The following PPP3R1 variants were observed in gnomAD, a reference collection of about 807,000 sequenced individuals.
The protein encoded by PPP3R1 is protein phosphatase 3 regulatory subunit B, alpha.
A neutral mutation model predicts 22.6 loss-of-function variants in PPP3R1; 5 were observed. The ratio of observed to expected loss-of-function variants is 0.22; its 90% CI spans 0.12 to 0.46. The LOEUF (loss-of-function observed/expected upper bound fraction) is 0.46, where lower values mean the gene tolerates loss of function less well. PPP3R1 is among the 20% of genes least tolerant of loss of function. PPP3R1 has a pLI of 0.99. For missense variants in PPP3R1, 61 were observed against 203.2 expected (o/e 0.30, Z 4.25); for synonymous variants, 56 against 65.2 (o/e 0.86, Z 0.68).
At chr2:68,202,413 T>C (rs1045096952) in intron 2 of PPP3R1, among the ~76,000 whole-genome samples, 4 of 135,216 alleles carry the variant, frequency 3.0e-5, no homozygotes, top group African/African-American at 6.2e-5. Flanking sequence ...TTTTTTGTTG[T>C]TGTTGTTGTT....
rs1013066030 is a variant in PPP3R1, at chr2:68,179,881, TTAGA to T, written c.*1078_*1081del. 14 of 152,194 alleles carry T rather than the reference TTAGA, an allele frequency of 9.2e-5. No individual in the cohort carries two copies. The highest frequency in any genetic ancestry group is 7.2e-4 in the Admixed American group (11 of 15,264). 9.4% of individuals were successfully genotyped at this position (152,194 alleles called of 1,614,324 possible). A position where few individuals can be genotyped will look rare whatever the true frequency, so the allele number is the denominator to read the frequency against. ...TTAAACCACAAATATATGTGGGTGTTTAGATACATACATGCATATTAAATATCAC... is the reference window on the plus strand; with the variant it reads ...TTAAACCACAAATATATGTGGGTGTTTACATACATGCATATTAAATATCAC... On this transcript the variant is annotated 3_prime_UTR_variant, in exon 6 of 6. Transcript: ENST00000234310.
At chr2:68,185,467 A>ATT (rs1189870135) in intron 5 of PPP3R1, among the ~76,000 whole-genome samples, 1 of 147,640 alleles carries the variant, frequency 6.8e-6, no homozygotes, top group Non-Finnish European at 1.5e-5. Flanking sequence ...TAATTTATAT[A>ATT]TTATATATAT....
intron 2 of PPP3R1, among the ~76,000 whole-genome samples, chr2:68,207,183 T>C (rs185553985): frequency 3.8e-4 from 56 of 148,678 alleles, no homozygotes; most frequent in Non-Finnish European, 5.8e-4. Flanking sequence ...GAGAAGGTCA[T>C]TTTTGGGAAA....
chr2:68,243,151 G>A (rs1670165252), intron 1 of PPP3R1, among the ~76,000 whole-genome samples: 1 of 152,124 alleles, frequency 6.6e-6, no homozygotes, highest in Admixed American at 6.5e-5. Flanking sequence ...AGGAAGAACA[G>A]TATAGGAATC....
At chr2:68,252,040 G>A in intron 1 of PPP3R1, 85 bp downstream of exon 1, 4 of 1,273,456 alleles carry the variant, frequency 3.1e-6, no homozygotes, top group Middle Eastern at 2.2e-4. Flanking sequence ...ACAGCCGACC[G>A]GGGGCGTCGG....
intron 2 of PPP3R1, among the ~76,000 whole-genome samples, chr2:68,198,356 T>C (rs199640986): frequency 7.6e-5 from 4 of 52,402 alleles, no homozygotes; most frequent in East Asian, 4.8e-4. Context: ...TATATGCATA[T>C]ATATGTACAT....
intron 2 of PPP3R1, among the ~76,000 whole-genome samples, chr2:68,206,686 G>C (rs530459843): frequency 1.3e-5 from 2 of 152,202 alleles, no homozygotes; most frequent in African/African-American, 2.4e-5. Context: ...TGGAACCTGT[G>C]TTTTTATTTC....
chr2:68,204,659 T>C (rs528676250), intron 2 of PPP3R1, among the ~76,000 whole-genome samples: 11 of 152,344 alleles, frequency 7.2e-5, no homozygotes, highest in Admixed American at 3.9e-4. Context: ...AATTAATGTA[T>C]GTAAAACGCT....
In PPP3R1 at chr2:68,223,605, C is replaced by G. The variant is rs140912111; in HGVS notation, c.4-6474G>C. The stretch of plus-strand genomic sequence containing the variant: ...AAAAAAAAGAAAAAAACCACATGGC[C>G]AACCAAACAGACGCAATAAAAGCAT... On this transcript the variant is annotated intron_variant, in intron 1 of 5. Transcript: ENST00000234310. 2.7e-3 allele frequency among the ~76,000 whole-genome samples: 412 copies of G among 151,988 alleles called. 2 individuals carry two copies. The highest frequency in any genetic ancestry group is 6.2e-3 in the African/African-American group (258 of 41,466).
At chr2:68,197,924 T>C (rs889147391) in intron 2 of PPP3R1, among the ~76,000 whole-genome samples, 4 of 151,682 alleles carry the variant, frequency 2.6e-5, no homozygotes, top group African/African-American at 4.8e-5. Flanking sequence ...AGATGTTCCA[T>C]TGTTTTATGT....
chr2:68,243,568 A>G (rs917324606), intron 1 of PPP3R1, among the ~76,000 whole-genome samples: 1 of 152,196 alleles, frequency 6.6e-6, no homozygotes, highest in Non-Finnish European at 1.5e-5. Context: ...TGTTATGTTT[A>G]ATAAGATATT....
chr2:68,212,741 GA>G (rs1669511772), intron 2 of PPP3R1, among the ~76,000 whole-genome samples: 2 of 149,374 alleles, frequency 1.3e-5, no homozygotes, highest in South Asian at 4.1e-4. Context: ...GAGAGCACAG[GA>G]GAGGAAATTT....
chr2:68,181,738 G>GA (rs1674407922), intron 5 of PPP3R1, among the ~76,000 whole-genome samples: 1 of 151,910 alleles, frequency 6.6e-6, no homozygotes, highest in South Asian at 2.1e-4. Flanking sequence ...ACGATAACCA[G>GA]ATATTATGAC....
At position 68,252,321 on chromosome 2, in the gene PPP3R1, G is replaced by A; in HGVS notation, c.-194C>T. ...GGGCGATTGGGCACGCGAGGGAGCG[G>A]GCAGGGTAGGGGGAAATAAATTAAG... is the stretch of plus-strand genomic sequence containing the variant. On this transcript the variant is annotated 5_prime_UTR_variant, in exon 1 of 6. Coordinates refer to ENST00000234310, the MANE Select transcript of PPP3R1 (RefSeq NM_000945.4). 9.8e-7 allele frequency: 1 copy of A among 1,020,436 alleles called. No individual in the cohort carries two copies. The highest frequency in any genetic ancestry group is 1.2e-6 in the Non-Finnish European group (1 of 854,104). The allele number at this position is 1,020,436 out of a possible 1,614,324, so 63.2% of individuals were successfully genotyped here. A position where few individuals can be genotyped will look rare whatever the true frequency, so the allele number is the denominator to read the frequency against.
intron 3 of PPP3R1, 40 bp from the exon 4 acceptor site, chr2:68,187,354 A>T: frequency 6.6e-7 from 1 of 1,509,038 alleles, no homozygotes; most frequent in Non-Finnish European, 9.1e-7. Flanking sequence ...CAGAACTTCC[A>T]ATTTTTTACA....
intron 1 of PPP3R1, among the ~76,000 whole-genome samples, chr2:68,237,603 A>T (rs1670042851): frequency 6.6e-6 from 1 of 152,198 alleles, no homozygotes; most frequent in South Asian, 2.1e-4. Flanking sequence ...AACAGCTGCT[A>T]CATGTTAAGT....
chr2:68,240,543 G>C (rs1246574450), intron 1 of PPP3R1, among the ~76,000 whole-genome samples: 1 of 152,180 alleles, frequency 6.6e-6, no homozygotes, highest in African/African-American at 2.4e-5. Context: ...TGCTACAAAG[G>C]AAACATTAAA....
chr2:68,217,017 CA>C (rs1669591848), intron 2 of PPP3R1, 74 bp downstream of exon 2: 2 of 950,468 alleles, frequency 2.1e-6, no homozygotes, highest in South Asian at 3.3e-5. Flanking sequence ...ATGATACACA[CA>C]CACACACACA....
chr2:68,237,461 A>T (rs533083672), intron 1 of PPP3R1, among the ~76,000 whole-genome samples: 37 of 152,166 alleles, frequency 2.4e-4, no homozygotes, highest in Non-Finnish European at 4.4e-4. Context: ...ACTTCTCATA[A>T]TATCAAATTA....
Sources: gnomAD v4.1 joint callset for allele counts (sites outside exome capture counted in the v4.1 genomes callset) on GRCh38, gnomAD v4.1.1 for gene constraint, MANE v1.5 for transcripts, NCBI Gene and HGNC (gene_info 2026-07-23, HGNC 2026-07-21) for gene names.